The following THRB variants were observed in gnomAD, a reference collection of about 807,000 sequenced individuals.
THRB encodes thyroid hormone receptor beta, also known as nuclear receptor subfamily 1 group A member 2.
THRB carries 12 observed loss-of-function variants against 47.8 expected under a neutral mutation model. That is an observed-to-expected ratio of 0.25 (90% CI 0.16 to 0.41). The LOEUF is 0.41. Ranked by LOEUF, THRB falls within the 10% of genes least tolerant of loss-of-function variation. The pLI, the probability that THRB is intolerant of heterozygous loss-of-function variation, is 1.00. For missense variants in THRB, 348 were observed against 589.2 expected (o/e 0.59, Z 4.24); for synonymous variants, 218 against 212.2 (o/e 1.03, Z -0.24).
intron 7 of THRB, among the ~76,000 whole-genome samples, chr3:24,145,995 TC>T (rs1423273429): frequency 6.6e-6 from 1 of 152,160 alleles, no homozygotes; most frequent in Non-Finnish European, 1.5e-5. Flanking sequence ...CTGGTGTAAA[TC>T]CCTCGCACAG....
intron 1 of THRB, among the ~76,000 whole-genome samples, chr3:24,432,281 A>T (rs2070512265): frequency 6.6e-6 from 1 of 152,140 alleles, no homozygotes; most frequent in Non-Finnish European, 1.5e-5. Context: ...ACTGGCAGGC[A>T]ACCTAAGGTG....
chr3:24,308,458 T>C (rs1441431649), intron 2 of THRB, among the ~76,000 whole-genome samples: 1 of 152,220 alleles, frequency 6.6e-6, no homozygotes, highest in Non-Finnish European at 1.5e-5. Flanking sequence ...AACATCCCTC[T>C]GTTTTGAAAT....
In THRB at chr3:24,317,101, T is replaced by C. The variant is rs77727657; in HGVS notation, c.-188-19730A>G. Among the ~76,000 whole-genome samples the C allele has an allele frequency of 6.6e-3, 1,011 of 152,300 alleles. 10 individuals carry two copies. The highest frequency in any genetic ancestry group is 0.023 in the African/African-American group (967 of 41,554). On this transcript the variant is annotated intron_variant, in intron 2 of 10. Coordinates refer to ENST00000646209, the MANE Select transcript of THRB (RefSeq NM_001354712.2). The stretch of plus-strand genomic sequence containing the variant: ...CTCAACAAAGGTTTGCTGAATGAAC[T>C]TTGTTCCTTTGAGTTTATCCTGTAT...
intron 2 of THRB, among the ~76,000 whole-genome samples, chr3:24,317,488 C>T (rs1470820711): frequency 6.6e-6 from 1 of 152,200 alleles, no homozygotes; most frequent in African/African-American, 2.4e-5. Flanking sequence ...GTCTGCCTTA[C>T]TCCTCCAATA....
chr3:24,305,658 A>G (rs920984777), intron 2 of THRB, among the ~76,000 whole-genome samples: 3 of 152,210 alleles, frequency 2.0e-5, no homozygotes, highest in African/African-American at 7.2e-5. Flanking sequence ...AATATATTTT[A>G]ATAATGAGGT....
intron 2 of THRB, among the ~76,000 whole-genome samples, chr3:24,312,568 T>C (rs1338737227): frequency 6.6e-6 from 1 of 152,228 alleles, no homozygotes; most frequent in Non-Finnish European, 1.5e-5. Context: ...AATCATTACA[T>C]AAAACCGAGC....
At chr3:24,220,235 A>G (rs1445573167) in intron 4 of THRB, among the ~76,000 whole-genome samples, 1 of 152,172 alleles carries the variant, frequency 6.6e-6, no homozygotes, top group Non-Finnish European at 1.5e-5. Context: ...TCATGCCTGT[A>G]ATCCCAGCAC....
chr3:24,427,851 C>T (rs2069924473), intron 1 of THRB, among the ~76,000 whole-genome samples: 1 of 151,976 alleles, frequency 6.6e-6, no homozygotes, highest in Admixed American at 6.6e-5. Context: ...TTTGGTTAGT[C>T]TTATTCTTTC....
chr3:24,264,122 C>T (rs147931426), intron 3 of THRB, among the ~76,000 whole-genome samples: 3 of 152,314 alleles, frequency 2.0e-5, no homozygotes, highest in South Asian at 2.1e-4. Flanking sequence ...CCCATTCCCC[C>T]TGATTGCATC....
chr3:24,148,185 G>A (rs1370085173), intron 6 of THRB, among the ~76,000 whole-genome samples: 2 of 152,178 alleles, frequency 1.3e-5, no homozygotes, highest in African/African-American at 4.8e-5. Flanking sequence ...GGGGTGCAGT[G>A]GTGCGATCTT....
intron 1 of THRB, among the ~76,000 whole-genome samples, chr3:24,450,698 G>T (rs1380145182): frequency 6.6e-6 from 1 of 152,082 alleles, no homozygotes; most frequent in Non-Finnish European, 1.5e-5. Flanking sequence ...AAAAACTGGG[G>T]TTAAAAAGAA....
chr3:24,421,689 A>G (rs2069280020), intron 1 of THRB, among the ~76,000 whole-genome samples: 1 of 151,936 alleles, frequency 6.6e-6, no homozygotes, highest in African/African-American at 2.4e-5. Flanking sequence ...GATTATTTTA[A>G]TGCATGGACA....
At chr3:24,210,986 G>C (rs368712437) in intron 4 of THRB, among the ~76,000 whole-genome samples, 3 of 152,068 alleles carry the variant, frequency 2.0e-5, no homozygotes, top group African/African-American at 7.2e-5. Flanking sequence ...AATACCTGAG[G>C]TCAGGAGTTC....
At chr3:24,212,577 CAAAAAAAA>C (rs1199010853) in intron 4 of THRB, among the ~76,000 whole-genome samples, 6 of 84,098 alleles carry the variant, frequency 7.1e-5, no homozygotes, top group South Asian at 1.1e-3. Context: ...GACTCCGTCT[CAAAAAAAA>C]AAAAAAAAAA....
intron 2 of THRB, among the ~76,000 whole-genome samples, chr3:24,318,084 G>A (rs1351518736): frequency 6.6e-6 from 1 of 151,776 alleles, no homozygotes; most frequent in Non-Finnish European, 1.5e-5. Context: ...GGAAGGAAGG[G>A]GCCTAATTTC....
intron 4 of THRB, among the ~76,000 whole-genome samples, chr3:24,201,244 G>C (rs2044556480): frequency 6.6e-6 from 1 of 152,016 alleles, no homozygotes; most frequent in African/African-American, 2.4e-5. Context: ...AGTTGGCGAG[G>C]TTGGGGCTGG....
intron 5 of THRB, among the ~76,000 whole-genome samples, chr3:24,161,697 T>A (rs2038864186): frequency 6.8e-6 from 1 of 147,622 alleles, no homozygotes; most frequent in South Asian, 2.2e-4. Flanking sequence ...TGAAAGCAGA[T>A]TCAGAAAGCA....
chr3:24,173,096 A>C (rs1001757116), intron 5 of THRB, among the ~76,000 whole-genome samples: 1 of 152,180 alleles, frequency 6.6e-6, no homozygotes, highest in African/African-American at 2.4e-5. Context: ...CTTCTTAGAA[A>C]TGCAAATTCT....
intron 3 of THRB, among the ~76,000 whole-genome samples, chr3:24,279,850 G>A (rs923514867): frequency 2.0e-5 from 3 of 152,146 alleles, no homozygotes; most frequent in Non-Finnish European, 4.4e-5. Context: ...TCAAGTACGA[G>A]GAGTTCTTAA....
Sources: allele counts gnomAD v4.1 joint callset (sites outside exome capture counted in the v4.1 genomes callset), GRCh38; gene constraint gnomAD v4.1.1; transcripts MANE v1.5; gene names NCBI Gene and HGNC (gene_info 2026-07-23, HGNC 2026-07-21).